The following MLPH variants were observed in gnomAD, a reference collection of about 807,000 sequenced individuals.
MLPH encodes melanophilin, also known as exophilin-3.
Under a neutral mutation model 72.1 loss-of-function variants are expected in MLPH, and 51 were observed. That is an observed-to-expected ratio of 0.71 (90% CI 0.56 to 0.89). The LOEUF is 0.89. Among genes scored for constraint, MLPH ranks in the 40% least tolerant of loss-of-function variants. The pLI, the probability that MLPH is intolerant of heterozygous loss-of-function variation, is 0.00. For synonymous variants in MLPH, 301 were observed against 310.1 expected, an observed-to-expected ratio of 0.97 and a Z score of 0.31; for missense variants, 743 against 759.9, an observed-to-expected ratio of 0.98 and a Z score of 0.26.
intron 8 of MLPH, among the ~76,000 whole-genome samples, chr2:237,532,975 C>A (rs1048399235): frequency 1.3e-5 from 2 of 152,320 alleles, no homozygotes; most frequent in Admixed American, 6.5e-5. Flanking sequence ...CAGGCCCGGC[C>A]CATTCCACAC....
Position 237,542,682 on chromosome 2 carries a change from T to TGG in MLPH, c.1539+24_1539+25dup, listed in dbSNP as rs1246045217. Reference sequence around the variant, plus strand: ...CCGGTGAGTGGGGGGCAGTGGTGAGTGGAGACAGTGCTGAGTGGGGGGGCA... The same window carrying TGG: ...CCGGTGAGTGGGGGGCAGTGGTGAGTGGGGAGACAGTGCTGAGTGGGGGGGCA... On this transcript the variant is annotated intron_variant, in intron 12 of 15. Transcript: ENST00000264605. 1.3e-5 allele frequency: 16 copies of TGG among 1,274,232 alleles called. No individual in the cohort carries two copies. The South Asian group carries it at 1.5e-4, about 12-fold the overall frequency. 78.9% of individuals were successfully genotyped at this position (1,274,232 alleles called of 1,614,324 possible).
chr2:237,528,025 T>A (rs1409819289), intron 8 of MLPH, among the ~76,000 whole-genome samples: 1 of 152,202 alleles, frequency 6.6e-6, no homozygotes, highest in Non-Finnish European at 1.5e-5. Context: ...AATAAACCAG[T>A]CACTCTGGAC....
chr2:237,540,293 G>A lies in MLPH; in HGVS notation c.1105-55G>A, dbSNP rs941869299. On this transcript the variant is annotated intron_variant, in intron 9 of 15. Transcript: ENST00000264605. Reference sequence around the variant, plus strand: ...CCCATCTCCCAGAGCCAGCCCTGGAGCTCCATGGCTCCAGATGGCTAGCCG... The same window carrying A: ...CCCATCTCCCAGAGCCAGCCCTGGAACTCCATGGCTCCAGATGGCTAGCCG... 2.7e-4 allele frequency: 425 copies of A among 1,599,830 alleles called. 1 individual carries two copies. The highest frequency in any genetic ancestry group is 2.7e-5 in the Non-Finnish European group (32 of 1,172,220).
At chr2:237,488,394 G>T (rs1003358609) in intron 1 of MLPH, among the ~76,000 whole-genome samples, 1 of 143,122 alleles carries the variant, frequency 7.0e-6, no homozygotes, top group South Asian at 2.2e-4. Flanking sequence ...CCTCCAGCTG[G>T]CCTGCATCTG....
In MLPH at chr2:237,505,311, G is replaced by A. The variant is rs554220980; in HGVS notation, c.111-5263G>A. On this transcript the variant is annotated intron_variant, in intron 2 of 15. Transcript: ENST00000264605. The surrounding 1 kb of genome is among the most constrained non-coding windows in gnomAD (Gnocchi z 4.5). The stretch of plus-strand genomic sequence containing the variant: ...ACCCTGATCCCAGCCACATACCCAC[G>A]TGCTGTGGCCTCTTCCACCAACCCC... 6.6e-6 allele frequency among the ~76,000 whole-genome samples: 1 copy of A among 152,166 alleles called. No homozygotes were observed. The highest frequency in any genetic ancestry group is 6.5e-5 in the Admixed American group (1 of 15,294).
chr2:237,515,237 G>A (rs2079989367), intron 4 of MLPH, among the ~76,000 whole-genome samples: 1 of 152,198 alleles, frequency 6.6e-6, no homozygotes, highest in Admixed American at 6.5e-5. Flanking sequence ...GAAAGGAGGT[G>A]CACAGTGAGG....
In MLPH at chr2:237,487,365, ACGCCCTGCTTCGT is replaced by A. The variant is rs1386403178; in HGVS notation, c.-92_-80del. On this transcript the variant is annotated 5_prime_UTR_variant, in exon 1 of 16. Coordinates refer to ENST00000264605, the MANE Select transcript of MLPH (RefSeq NM_024101.7). ...CGCCCTGACCTGACGCCCTGGCCTGACGCCCTGCTTCGTCGCCTCCTTTCTCTCCCAGGTGCTG... is the reference window on the plus strand; with the variant it reads ...CGCCCTGACCTGACGCCCTGGCCTGACGCCTCCTTTCTCTCCCAGGTGCTG... 2 of 152,610 alleles carry A rather than the reference ACGCCCTGCTTCGT, an allele frequency of 1.3e-5. No individual in the cohort carries two copies. The highest frequency in any genetic ancestry group is 4.9e-5 in the African/African-American group (2 of 41,166). The allele number at this position is 152,610 out of a possible 1,614,324, so 9.5% of individuals were successfully genotyped here. A position where few individuals can be genotyped will look rare whatever the true frequency, so the allele number is the denominator to read the frequency against.
intron 4 of MLPH, among the ~76,000 whole-genome samples, chr2:237,511,881 C>CG (rs1258783498): frequency 6.6e-6 from 1 of 152,052 alleles, no homozygotes; most frequent in Non-Finnish European, 1.5e-5. Flanking sequence ...GGGAGGATGC[C>CG]GGGGGGTCTT....
intron 9 of MLPH, among the ~76,000 whole-genome samples, chr2:237,540,034 C>T (rs545744301): frequency 6.6e-6 from 1 of 152,256 alleles, no homozygotes; most frequent in East Asian, 1.9e-4. Flanking sequence ...AGAGTAAGGA[C>T]GTCAGCCTGG....
At chr2:237,490,356 A>G (rs968924273) in intron 1 of MLPH, among the ~76,000 whole-genome samples, 11 of 152,116 alleles carry the variant, frequency 7.2e-5, no homozygotes, top group African/African-American at 2.7e-4. Flanking sequence ...AAACCATTTG[A>G]AAGGGGATAG....
At chr2:237,536,737 AC>A (rs1387980206) in intron 9 of MLPH, among the ~76,000 whole-genome samples, 1 of 149,916 alleles carries the variant, frequency 6.7e-6, no homozygotes, top group Non-Finnish European at 1.5e-5. Flanking sequence ...CACCTCCTTC[AC>A]CCCCTTCCTG....
chr2:237,539,734 A>G (rs1574892562), intron 9 of MLPH, among the ~76,000 whole-genome samples: 1 of 152,076 alleles, frequency 6.6e-6, no homozygotes, highest in African/African-American at 2.4e-5. Context: ...TGCTATCACC[A>G]CCATTTTAAA....
intron 4 of MLPH, among the ~76,000 whole-genome samples, chr2:237,516,212 G>A (rs2080013751): frequency 6.6e-6 from 1 of 152,234 alleles, no homozygotes; most frequent in Non-Finnish European, 1.5e-5. Context: ...GGAGTAGAAA[G>A]GTGGATGGTC....
intron 6 of MLPH, among the ~76,000 whole-genome samples, chr2:237,521,676 T>C (rs962921248): frequency 3.3e-5 from 5 of 152,356 alleles, no homozygotes; most frequent in African/African-American, 4.8e-5. Flanking sequence ...TTTGGATTGA[T>C]AGATTCTTTT....
At chr2:237,513,672 T>C (rs79583226) in intron 4 of MLPH, among the ~76,000 whole-genome samples, 3,906 of 152,220 alleles carry the variant, frequency 0.026, 70 homozygotes, top group South Asian at 0.079. Flanking sequence ...CCTGAGATCC[T>C]GGGATACTTC....
intron 7 of MLPH, among the ~76,000 whole-genome samples, chr2:237,526,562 A>G (rs2080309704): frequency 6.6e-6 from 1 of 152,226 alleles, no homozygotes; most frequent in African/African-American, 2.4e-5. Flanking sequence ...GCCAAGCCAC[A>G]GGGTGCAGAC....
In MLPH at chr2:237,510,746, G is replaced by A. The variant is rs752700067; in HGVS notation, c.283G>A (p.Val95Ile). 34 of 1,613,576 alleles carry A rather than the reference G, an allele frequency of 2.1e-5. No individual in the cohort carries two copies. Among genetic ancestry groups the A allele is most frequent in the South Asian group, 9.9e-5 (9 of 91,082 alleles). ...CTTCACCTGCAAAAGCTGTGGCCGC[G>A]TCCACCCGGAGGAGCAGGGCTGGAT... is the stretch of plus-strand genomic sequence containing the variant. ...GLFTCKSCGRVHPEEQGWICD... is the reference protein window; with the variant it reads ...GLFTCKSCGRIHPEEQGWICD... The change falls in exon 3 of 16, where the codon GTC becomes ATC. Residue 95 changes from valine to isoleucine, a missense_variant. Transcript: ENST00000264605. This position sits in a 1 kb window ranked among gnomAD's most constrained non-coding sequence, Gnocchi z 4.4.
At chr2:237,522,804 T>C (rs1253688795) in intron 6 of MLPH, among the ~76,000 whole-genome samples, 1 of 152,138 alleles carries the variant, frequency 6.6e-6, no homozygotes, top group African/African-American at 2.4e-5. Flanking sequence ...AATAAATATG[T>C]GTTGACATTC....
intron 13 of MLPH, among the ~76,000 whole-genome samples, chr2:237,548,604 C>T (rs1305735781): frequency 6.6e-6 from 1 of 152,122 alleles, no homozygotes; most frequent in Non-Finnish European, 1.5e-5. Context: ...CGCAGTGGCT[C>T]ACACCTGTAA....
Sources: allele counts gnomAD v4.1 joint callset (sites outside exome capture counted in the v4.1 genomes callset), GRCh38; gene constraint gnomAD v4.1.1; non-coding constraint Gnocchi (gnomAD v3.1); transcripts MANE v1.5; gene names NCBI Gene and HGNC (gene_info 2026-07-23, HGNC 2026-07-21).